FBXL7: variants seen among roughly 807,000 people sequenced by gnomAD.
The protein encoded by FBXL7 is F-box/LRR-repeat protein 7.
In FBXL7, 12 loss-of-function variants were observed where a neutral mutation model predicts 38.3. That is an observed-to-expected ratio of 0.31 (90% CI 0.20 to 0.51). The LOEUF (loss-of-function observed/expected upper bound fraction) is 0.51, where lower values mean the gene tolerates loss of function less well. FBXL7 is among the 20% of genes least tolerant of loss of function. The pLI is 0.98. For synonymous variants in FBXL7, 297 were observed against 300.9 expected (o/e 0.99, Z 0.13); for missense variants, 567 against 676.4 (o/e 0.84, Z 1.79).
At chr5:15,930,377 A>G (rs2126463658) in intron 3 of FBXL7, among the ~76,000 whole-genome samples, 1 of 152,298 alleles carries the variant, frequency 6.6e-6, no homozygotes, top group Non-Finnish European at 1.5e-5. Flanking sequence ...TTTTATAAAC[A>G]TTTCATTTTC....
At position 15,822,622 on chromosome 5, in the gene FBXL7, C is replaced by CTTT. The variant is rs371800054; in HGVS notation, c.128-105251_128-105249dup. On this transcript the variant is annotated intron_variant, in intron 2 of 3. Transcript: ENST00000504595. ...CGGATGAACATTTGAGCTGGTTGCTCTTTTTTTTTTTTTTTTTTTCTTGCA... is the reference window on the plus strand; with the variant it reads ...CGGATGAACATTTGAGCTGGTTGCTCTTTTTTTTTTTTTTTTTTTTTTCTTGCA... Among the ~76,000 whole-genome samples the CTTT allele has an allele frequency of 3.4e-3, 442 of 131,770 alleles. 2 individuals are homozygous for CTTT. The highest frequency in any genetic ancestry group is 0.011 in the African/African-American group (397 of 34,758). The allele number at this position is 131,770 out of a possible 152,430, so 86.4% of individuals were successfully genotyped here.
At chr5:15,507,223 G>A (rs1049826061) in intron 1 of FBXL7, among the ~76,000 whole-genome samples, 3 of 152,032 alleles carry the variant, frequency 2.0e-5, no homozygotes, top group Admixed American at 6.6e-5. Flanking sequence ...TGCCTCTAGT[G>A]ACTAATTTCA....
At chr5:15,766,871 C>T (rs752915165) in intron 2 of FBXL7, among the ~76,000 whole-genome samples, 8 of 152,202 alleles carry the variant, frequency 5.3e-5, no homozygotes, top group East Asian at 1.9e-4. Flanking sequence ...TACATTCTAC[C>T]GTGACGAGCA....
chr5:15,586,454 T>A (rs548637070), intron 1 of FBXL7, among the ~76,000 whole-genome samples: 15 of 151,940 alleles, frequency 9.9e-5, no homozygotes, highest in African/African-American at 3.1e-4. Flanking sequence ...TGGAAACATA[T>A]AACTTTCATG....
At chr5:15,576,607 A>T (rs1287431219) in intron 1 of FBXL7, among the ~76,000 whole-genome samples, 1 of 152,234 alleles carries the variant, frequency 6.6e-6, no homozygotes, top group Admixed American at 6.5e-5. Context: ...AAATTCACCA[A>T]GCAAAGAAGC....
At chr5:15,705,262 T>C (rs1466082612) in intron 2 of FBXL7, among the ~76,000 whole-genome samples, 4 of 152,196 alleles carry the variant, frequency 2.6e-5, no homozygotes, top group Non-Finnish European at 5.9e-5. Context: ...AGGGCAGGGA[T>C]TTATCTTTGT....
intron 2 of FBXL7, among the ~76,000 whole-genome samples, chr5:15,905,787 AG>A (rs1741343199): frequency 6.6e-6 from 1 of 152,156 alleles, no homozygotes; most frequent in African/African-American, 2.4e-5. Context: ...GGGACACATA[AG>A]AAAGAAAACA....
intron 2 of FBXL7, among the ~76,000 whole-genome samples, chr5:15,724,115 T>G (rs17437174): frequency 6.6e-6 from 1 of 152,206 alleles, no homozygotes; most frequent in Non-Finnish European, 1.5e-5. Flanking sequence ...TGAAACTTCA[T>G]TGACTTTTAG....
intron 2 of FBXL7, among the ~76,000 whole-genome samples, chr5:15,807,082 G>A (rs994210897): frequency 1.4e-4 from 21 of 152,002 alleles, no homozygotes; most frequent in Admixed American, 1.2e-3. Flanking sequence ...CTCCCAAGTA[G>A]CTGAGATTAC....
intron 1 of FBXL7, among the ~76,000 whole-genome samples, chr5:15,612,675 G>A (rs945118849): frequency 6.6e-6 from 1 of 152,106 alleles, no homozygotes; most frequent in Non-Finnish European, 1.5e-5. Flanking sequence ...GTTTGTAGAT[G>A]GATAAGCAAT....
intron 2 of FBXL7, among the ~76,000 whole-genome samples, chr5:15,786,303 A>G: frequency 6.6e-6 from 1 of 152,110 alleles, no homozygotes; most frequent in African/African-American, 2.4e-5. Context: ...TCCACAGAAC[A>G]AAATAAAAGT....
At chr5:15,900,614 C>G (rs1203882686) in intron 2 of FBXL7, among the ~76,000 whole-genome samples, 1 of 152,114 alleles carries the variant, frequency 6.6e-6, no homozygotes, top group Non-Finnish European at 1.5e-5. Context: ...AAAAACAAAT[C>G]AAAGGTATAA....
At chr5:15,803,434 A>T (rs1561132561) in intron 2 of FBXL7, among the ~76,000 whole-genome samples, 1 of 152,166 alleles carries the variant, frequency 6.6e-6, no homozygotes, top group Non-Finnish European at 1.5e-5. Flanking sequence ...CCAAGCATAG[A>T]TTATCTTGCT....
In FBXL7 at chr5:15,500,646, C is replaced by A. The variant is rs755959076; in HGVS notation, c.-31C>A. On this transcript the variant is annotated 5_prime_UTR_variant, in exon 1 of 4. Coordinates refer to ENST00000504595, the MANE Select transcript of FBXL7 (RefSeq NM_012304.5). ...GACGTGCGCCGCAGCTATGGAGTGT[C>A]CCGGGAGACGGCGGGCATGACGGCT... The A allele has an allele frequency of 6.2e-7, 1 of 1,613,454 alleles. No homozygotes were observed. The highest frequency in any genetic ancestry group is 8.5e-7 in the Non-Finnish European group (1 of 1,179,588).
At chr5:15,902,053 T>G (rs1013752883) in intron 2 of FBXL7, among the ~76,000 whole-genome samples, 1 of 152,302 alleles carries the variant, frequency 6.6e-6, no homozygotes, top group East Asian at 1.9e-4. Flanking sequence ...CCCCATTACC[T>G]GTTTTACTTC....
intron 3 of FBXL7, among the ~76,000 whole-genome samples, chr5:15,931,922 GT>G (rs1484015068): frequency 7.2e-5 from 11 of 152,150 alleles, no homozygotes; most frequent in Non-Finnish European, 1.2e-4. Flanking sequence ...TGAGCTAAGG[GT>G]TTTTTTCTGG....
intron 2 of FBXL7, among the ~76,000 whole-genome samples, chr5:15,770,806 G>A (rs1432973382): frequency 6.6e-6 from 1 of 152,100 alleles, no homozygotes; most frequent in Admixed American, 6.6e-5. Context: ...TCTGGTGTTG[G>A]AATCTAAGCA....
intron 2 of FBXL7, among the ~76,000 whole-genome samples, chr5:15,839,045 T>G (rs1480925616): frequency 1.3e-5 from 2 of 152,116 alleles, no homozygotes; most frequent in African/African-American, 4.8e-5. Flanking sequence ...TCCTCTGCTA[T>G]GGACTGCTTC....
At chr5:15,597,551 C>G (rs545383271) in intron 1 of FBXL7, among the ~76,000 whole-genome samples, 22 of 143,008 alleles carry the variant, frequency 1.5e-4, no homozygotes, top group African/African-American at 5.7e-4. Context: ...TTAATTTCAA[C>G]GAGTTGAAGG....
Sources: allele counts gnomAD v4.1 joint callset (sites outside exome capture counted in the v4.1 genomes callset), GRCh38; gene constraint gnomAD v4.1.1; transcripts MANE v1.5; gene names NCBI Gene and HGNC (gene_info 2026-07-23, HGNC 2026-07-21).